The following VSTM4 variants were observed in gnomAD, a reference collection of about 807,000 sequenced individuals.
VSTM4 encodes V-set and transmembrane domain-containing protein 4.
In VSTM4, 20 loss-of-function variants were observed where a neutral mutation model predicts 36.4. The observed-to-expected ratio is 0.55, with a 90% CI of 0.39 to 0.80. The LOEUF is 0.80. Among genes scored for constraint, VSTM4 ranks in the 30% least tolerant of loss-of-function variants. The pLI is 0.00. For missense variants in VSTM4, 392 were observed against 404.5 expected, an observed-to-expected ratio of 0.97 and a Z score of 0.26; for synonymous variants, 182 against 173.9, an observed-to-expected ratio of 1.05 and a Z score of -0.37.
chr10:49,077,384 C>T (rs1272321719), intron 3 of VSTM4, 58 bp from the exon 4 acceptor site: 11 of 1,482,626 alleles, frequency 7.4e-6, no homozygotes, highest in Non-Finnish European at 1.0e-5. Context: ...CAGAAGTGCG[C>T]TGGCAAGAGA....
intron 2 of VSTM4, among the ~76,000 whole-genome samples, chr10:49,099,152 A>G (rs1367152681): frequency 1.3e-5 from 2 of 152,192 alleles, no homozygotes; most frequent in Non-Finnish European, 2.9e-5. Context: ...CTACGACACA[A>G]TCACCTCCTT....
chr10:49,081,783 C>A (rs1844282805), intron 3 of VSTM4, among the ~76,000 whole-genome samples: 1 of 152,236 alleles, frequency 6.6e-6, no homozygotes, highest in Admixed American at 6.5e-5. Flanking sequence ...TGTGGCTCCC[C>A]ACACACACAA....
At chr10:49,047,095 G>A (rs1459262595) in intron 6 of VSTM4, 51 bp from the exon 7 acceptor site, 2 of 1,540,270 alleles carry the variant, frequency 1.3e-6, no homozygotes, top group Admixed American at 1.7e-5. Flanking sequence ...AGAACACTTA[G>A]TGGCCACACA....
At chr10:49,057,435 C>T (rs1843800123) in intron 5 of VSTM4, among the ~76,000 whole-genome samples, 1 of 152,222 alleles carries the variant, frequency 6.6e-6, no homozygotes, top group African/African-American at 2.4e-5. Flanking sequence ...ACAGGGACAA[C>T]AGGCAAGTCT....
chr10:49,100,303 A>G (rs1187241553), intron 2 of VSTM4, among the ~76,000 whole-genome samples: 1 of 151,820 alleles, frequency 6.6e-6, no homozygotes, highest in Non-Finnish European at 1.5e-5. Context: ...CCAATGCAAT[A>G]TGGTTAGAAA....
rs1844655832 is a variant in VSTM4 at position 49,101,006 on chromosome 10, C to T, written c.457+6588G>A. On this transcript the variant is annotated intron_variant, in intron 2 of 7. Coordinates refer to ENST00000332853, the MANE Select transcript of VSTM4 (RefSeq NM_001031746.5). ...AAAAAATAAATTAGCTACTATATAC[C>T]TTATATAAAAAAACAGATTCCAAAG... Among the ~76,000 whole-genome samples the T allele has an allele frequency of 2.0e-5, 3 of 151,708 alleles. No individual in the cohort carries two copies. The South Asian group carries it at 6.2e-4, about 32-fold the overall frequency.
At chr10:49,106,867 A>C (rs962258193) in intron 2 of VSTM4, among the ~76,000 whole-genome samples, 2 of 152,226 alleles carry the variant, frequency 1.3e-5, no homozygotes, top group Non-Finnish European at 2.9e-5. Flanking sequence ...CTAATGGCTC[A>C]AGGCCACATG....
At chr10:49,060,441 C>A (rs1340183108) in intron 5 of VSTM4, among the ~76,000 whole-genome samples, 1 of 152,104 alleles carries the variant, frequency 6.6e-6, no homozygotes, top group African/African-American at 2.4e-5. Context: ...TTTGCACTTC[C>A]CTAGTAGGTA....
At chr10:49,086,894 C>T (rs1844379634) in intron 2 of VSTM4, among the ~76,000 whole-genome samples, 2 of 152,182 alleles carry the variant, frequency 1.3e-5, no homozygotes, top group Admixed American at 6.5e-5. Context: ...TACATGTGCT[C>T]AGGGGTTACC....
intron 7 of VSTM4, among the ~76,000 whole-genome samples, chr10:49,025,383 C>T (rs1216339761): frequency 4.6e-5 from 7 of 152,134 alleles, no homozygotes; most frequent in Non-Finnish European, 1.0e-4. Flanking sequence ...AGAGCACCCT[C>T]CCCGAGACAA....
rs1345481599 is a variant in VSTM4, at chr10:49,018,184, T to C, written c.*1466A>G. ...TGGACAAATATTTGGTTTTTAAAGT[T>C]ATTGCAATGAAAGCCTTAAATAGTG... On this transcript the variant is annotated 3_prime_UTR_variant, in exon 8 of 8. Coordinates refer to ENST00000332853, the MANE Select transcript of VSTM4 (RefSeq NM_001031746.5). The C allele has an allele frequency of 1.3e-5, 2 of 152,252 alleles. No individual in the cohort carries two copies. Among genetic ancestry groups the C allele is most frequent in the African/African-American group, 4.8e-5 (2 of 41,462 alleles). The allele number at this position is 152,252 out of a possible 1,614,324, so 9.4% of individuals were successfully genotyped here. A position where few individuals can be genotyped will look rare whatever the true frequency, so the allele number is the denominator to read the frequency against.
intron 4 of VSTM4, among the ~76,000 whole-genome samples, chr10:49,066,906 C>T (rs1303248279): frequency 6.6e-6 from 1 of 151,932 alleles, no homozygotes; most frequent in East Asian, 1.9e-4. Context: ...AATAAAGAAC[C>T]TTCAAAACAA....
intron 2 of VSTM4, among the ~76,000 whole-genome samples, chr10:49,098,668 C>T (rs1005659392): frequency 1.3e-5 from 2 of 152,324 alleles, no homozygotes; most frequent in East Asian, 3.9e-4. Flanking sequence ...ACATCCATGC[C>T]GCCCCCACAT....
intron 1 of VSTM4, among the ~76,000 whole-genome samples, chr10:49,109,245 T>C (rs1009910870): frequency 6.6e-6 from 1 of 152,054 alleles, no homozygotes; most frequent in Non-Finnish European, 1.5e-5. Flanking sequence ...ACCAAAACCT[T>C]TGACCCCTGG....
At chr10:49,072,712 G>A (rs750180615) in intron 4 of VSTM4, among the ~76,000 whole-genome samples, 1 of 152,190 alleles carries the variant, frequency 6.6e-6, no homozygotes, top group Non-Finnish European at 1.5e-5. Context: ...TACCTTGCTG[G>A]TGACACCACA....
At chr10:49,044,094 G>A (rs1843562595) in intron 7 of VSTM4, among the ~76,000 whole-genome samples, 2 of 152,132 alleles carry the variant, frequency 1.3e-5, no homozygotes, top group Admixed American at 6.5e-5. Flanking sequence ...TTTGGACGCC[G>A]AGGTGGAAGG....
intron 2 of VSTM4, chr10:49,102,182 T>TCTTGCTCTGTCGCCCAG (rs57153575): frequency 5.3e-5 from 8 of 152,370 alleles, no homozygotes; most frequent in Admixed American, 4.6e-4. Context: ...GAGAGCGGAG[T>TCTTGCTCTGTCGCCCAG]GCTGGAGTGC....
At chr10:49,084,539 T>G (rs1844336695) in intron 3 of VSTM4, among the ~76,000 whole-genome samples, 2 of 152,216 alleles carry the variant, frequency 1.3e-5, no homozygotes, top group South Asian at 4.1e-4. Context: ...AAGCAAGTAC[T>G]TGCTCCCTAA....
chr10:49,048,617 G>C, intron 5 of VSTM4, 33 bp from the exon 6 acceptor site: 1 of 1,556,698 alleles, frequency 6.4e-7, no homozygotes, highest in Non-Finnish European at 8.7e-7. Context: ...TGAAACCAAA[G>C]GCAGATTTGT....
Sources: gnomAD v4.1 joint callset for allele counts (sites outside exome capture counted in the v4.1 genomes callset) on GRCh38, gnomAD v4.1.1 for gene constraint, MANE v1.5 for transcripts, NCBI Gene and HGNC (gene_info 2026-07-23, HGNC 2026-07-21) for gene names.